The following AFF3 variants were observed in gnomAD, a reference collection of about 807,000 sequenced individuals.
AFF3 encodes ALF transcription elongation factor 3.
A neutral mutation model predicts 129.7 loss-of-function variants in AFF3; 32 were observed. The ratio of observed to expected loss-of-function variants is 0.25; its 90% CI spans 0.19 to 0.33. The LOEUF (loss-of-function observed/expected upper bound fraction) is 0.33. AFF3 is among the 10% of genes least tolerant of loss of function. The pLI is 1.00. For synonymous variants in AFF3, 644 were observed against 635.4 expected (o/e 1.01, Z -0.20); for missense variants, 1,373 against 1,592.0 (o/e 0.86, Z 2.34).
At chr2:99,797,214 T>C (rs1358050749) in intron 8 of AFF3, among the ~76,000 whole-genome samples, 2 of 152,320 alleles carry the variant, frequency 1.3e-5, no homozygotes, top group East Asian at 3.9e-4. Flanking sequence ...TTGTAATATG[T>C]ATGTCCAAAA....
chr2:99,588,447 G>C (rs775831729), intron 15 of AFF3, among the ~76,000 whole-genome samples: 4 of 152,092 alleles, frequency 2.6e-5, no homozygotes, highest in Non-Finnish European at 5.9e-5. Context: ...CAAAGTGCTG[G>C]GATTACAGGT....
At chr2:100,140,978 G>GTGATGATGATGA (rs70940197) in intron 1 of AFF3, among the ~76,000 whole-genome samples, 5 of 150,944 alleles carry the variant, frequency 3.3e-5, no homozygotes, top group African/African-American at 7.3e-5. Context: ...ACAAAAGGTA[G>GTGATGATGATGA]TGATGATGAT....
At chr2:99,766,286 T>C (rs1403243537) in intron 8 of AFF3, among the ~76,000 whole-genome samples, 2 of 152,244 alleles carry the variant, frequency 1.3e-5, no homozygotes, top group African/African-American at 4.8e-5. Context: ...CCCTTTCAAA[T>C]GTTTCCCAGC....
At chr2:99,780,111 T>C (rs1684274662) in intron 8 of AFF3, among the ~76,000 whole-genome samples, 1 of 152,158 alleles carries the variant, frequency 6.6e-6, no homozygotes, top group African/African-American at 2.4e-5. Context: ...AGGACTTATC[T>C]CCCATCTCCA....
intron 7 of AFF3, among the ~76,000 whole-genome samples, chr2:99,864,095 C>T (rs1294959401): frequency 2.6e-5 from 4 of 152,206 alleles, no homozygotes; most frequent in Non-Finnish European, 5.9e-5. Context: ...AGATGAGCTG[C>T]TTACTAATCT....
intron 2 of AFF3, among the ~76,000 whole-genome samples, chr2:100,128,138 T>C (rs534861836): frequency 1.3e-5 from 2 of 152,180 alleles, no homozygotes; most frequent in Non-Finnish European, 2.9e-5. Flanking sequence ...ATCCACCCCT[T>C]GTTTAGCGTA....
chr2:100,013,943 C>CCTG (rs1682769411), intron 4 of AFF3, among the ~76,000 whole-genome samples: 4 of 152,120 alleles, frequency 2.6e-5, no homozygotes, highest in African/African-American at 7.2e-5. Context: ...CATTCATTAG[C>CCTG]CTGCTCCAAT....
At chr2:99,909,585 C>A (rs1040019395) in intron 7 of AFF3, among the ~76,000 whole-genome samples, 3 of 150,492 alleles carry the variant, frequency 2.0e-5, no homozygotes, top group East Asian at 3.9e-4. Flanking sequence ...TGCACATGCA[C>A]CCTAAAACTT....
At chr2:100,117,094 A>C (rs531193992) in intron 2 of AFF3, among the ~76,000 whole-genome samples, 22 of 152,278 alleles carry the variant, frequency 1.4e-4, no homozygotes, top group South Asian at 6.2e-4. Context: ...CAGTTTTACC[A>C]TAATGTACCT....
At chr2:99,725,776 A>G (rs1056782546) in intron 11 of AFF3, among the ~76,000 whole-genome samples, 2 of 152,248 alleles carry the variant, frequency 1.3e-5, no homozygotes, top group Admixed American at 6.5e-5. Flanking sequence ...CATACTTTGT[A>G]TATTCTTTGT....
intron 4 of AFF3, among the ~76,000 whole-genome samples, chr2:100,025,962 G>T (rs137900057): frequency 0.017 from 2,591 of 152,244 alleles, 77 homozygotes; most frequent in Admixed American, 0.075. Flanking sequence ...GACAACATTG[G>T]AAAAACCCTT....
chr2:99,679,948 G>C (rs1674369056), intron 11 of AFF3, among the ~76,000 whole-genome samples: 1 of 152,200 alleles, frequency 6.6e-6, no homozygotes, highest in Non-Finnish European at 1.5e-5. Context: ...CTAGGTGCTA[G>C]AGATATAAAA....
At chr2:99,937,643 C>T (rs975268528) in intron 7 of AFF3, among the ~76,000 whole-genome samples, 8 of 152,132 alleles carry the variant, frequency 5.3e-5, no homozygotes, top group Non-Finnish European at 7.4e-5. Flanking sequence ...GTGATCCGCC[C>T]GCCTCGGCCT....
At chr2:99,804,628 C>T (rs1382701776) in intron 8 of AFF3, among the ~76,000 whole-genome samples, 1 of 152,142 alleles carries the variant, frequency 6.6e-6, no homozygotes, top group Non-Finnish European at 1.5e-5. Flanking sequence ...AAAAAGACAT[C>T]TGCACACATG....
chr2:100,041,159 T>C lies in AFF3; in HGVS notation c.54-32227A>G, dbSNP rs368429739. On this transcript the variant is annotated intron_variant, in intron 4 of 24. Coordinates refer to ENST00000672756, the MANE Select transcript of AFF3 (RefSeq NM_001386135.1). ...TCTCCAGCTCTACTAAAGTGATAGA[T>C]GGGTTCACACGGAAGCTACTAAATG... is the stretch of plus-strand genomic sequence containing the variant. Among the ~76,000 whole-genome samples, 7 of 152,352 alleles carry C rather than the reference T, an allele frequency of 4.6e-5. No individual in the cohort carries two copies. The East Asian group carries it at 9.6e-4, about 21-fold the overall frequency.
chr2:99,554,647 T>C (rs368211538), intron 23 of AFF3, 36 bp downstream of exon 23: 1 of 1,613,948 alleles, frequency 6.2e-7, no homozygotes, highest in African/African-American at 1.3e-5. Flanking sequence ...ATGCATTGTC[T>C]GGCTTACGGC....
intron 1 of AFF3, among the ~76,000 whole-genome samples, chr2:100,131,959 G>A (rs1019518947): frequency 1.3e-5 from 2 of 152,162 alleles, no homozygotes; most frequent in African/African-American, 4.8e-5. Flanking sequence ...GGGTGGGATG[G>A]AGTGCCTGCC....
intron 4 of AFF3, among the ~76,000 whole-genome samples, chr2:100,090,819 G>C (rs1044363031): frequency 1.3e-4 from 20 of 152,262 alleles, no homozygotes; most frequent in African/African-American, 4.8e-4. Flanking sequence ...TGGGATTACA[G>C]GCGTCCACCA....
rs145653862 is a variant in AFF3, at chr2:99,863,956, A to T, written c.874-26432T>A. On this transcript the variant is annotated intron_variant, in intron 7 of 24. Transcript: ENST00000672756. Reference sequence around the variant, plus strand: ...CCTTCTAAGCCATCAGAATATCAGGAAACAGAAGCAGACATAACCATCTAC... The same window carrying T: ...CCTTCTAAGCCATCAGAATATCAGGTAACAGAAGCAGACATAACCATCTAC... Among the ~76,000 whole-genome samples the T allele has an allele frequency of 3.7e-4, 57 of 152,362 alleles. 1 individual carries two copies. In the East Asian group the frequency reaches 9.6e-3, roughly 26 times the overall value.
Sources: allele counts gnomAD v4.1 joint callset (sites outside exome capture counted in the v4.1 genomes callset), GRCh38; gene constraint gnomAD v4.1.1; transcripts MANE v1.5; gene names NCBI Gene and HGNC (gene_info 2026-07-23, HGNC 2026-07-21).